TPD52: variants seen among roughly 807,000 people sequenced by gnomAD.
TPD52 encodes the protein tumor protein D52.
Under a neutral mutation model 31.3 loss-of-function variants are expected in TPD52, and 17 were observed. The observed-to-expected ratio is 0.54, with a 90% CI of 0.37 to 0.82. The LOEUF (loss-of-function observed/expected upper bound fraction) is 0.82, where lower values mean the gene tolerates loss of function less well. TPD52 is among the 40% of genes least tolerant of loss of function. The probability of loss-of-function intolerance (pLI) is 0.00; values close to 1 mark genes in which losing one functional copy is unlikely to be tolerated. For synonymous variants in TPD52, 83 were observed against 89.6 expected (o/e 0.93, Z 0.42); for missense variants, 212 against 240.1 (o/e 0.88, Z 0.77).
At chr8:80,166,460 G>A (rs955818643) in intron 1 of TPD52, among the ~76,000 whole-genome samples, 7 of 151,402 alleles carry the variant, frequency 4.6e-5, no homozygotes, top group African/African-American at 1.7e-4. Flanking sequence ...TCCAACTCCC[G>A]ACCTCAGGTG....
intron 2 of TPD52, among the ~76,000 whole-genome samples, chr8:80,055,342 A>G (rs1243452046): frequency 6.6e-6 from 1 of 152,244 alleles, no homozygotes; most frequent in Non-Finnish European, 1.5e-5. Flanking sequence ...CAATATATAC[A>G]TGTAAAACAG....
At chr8:80,141,015 CATGG>C (rs1281422769) in intron 1 of TPD52, among the ~76,000 whole-genome samples, 2 of 150,022 alleles carry the variant, frequency 1.3e-5, no homozygotes, top group African/African-American at 5.0e-5. Context: ...CATTATGAGG[CATGG>C]ATGAACCACA....
intron 1 of TPD52, among the ~76,000 whole-genome samples, chr8:80,157,144 T>C (rs994269311): frequency 1.3e-5 from 2 of 152,080 alleles, no homozygotes; most frequent in Non-Finnish European, 2.9e-5. Flanking sequence ...AAATTTAGTA[T>C]CTATAGTCAT....
At chr8:80,170,289 A>G (rs7011062) in intron 1 of TPD52, among the ~76,000 whole-genome samples, 77,474 of 151,916 alleles carry the variant, frequency 0.51, 22,003 homozygotes, top group African/African-American at 0.76. Context: ...GGTGGCGCAC[A>G]CCTGTAATCC....
chr8:80,037,887 A>G lies in TPD52; in HGVS notation c.*229T>C, dbSNP rs1028260586. 3 of 431,872 alleles carry G rather than the reference A, an allele frequency of 6.9e-6. No individual in the cohort carries two copies. Among genetic ancestry groups the G allele is most frequent in the Non-Finnish European group, 1.2e-5 (3 of 246,314 alleles). The allele number at this position is 431,872 out of a possible 1,614,324, so 26.8% of individuals were successfully genotyped here. A position where few individuals can be genotyped will look rare whatever the true frequency, so the allele number is the denominator to read the frequency against. ...CCCATTTACTATAAGTGTTTTTATA[A>G]TGGTGTTTCCTAAATAAAGGAACAT... On this transcript the variant is annotated 3_prime_UTR_variant, in exon 8 of 8. Transcript: ENST00000518937.
At chr8:80,157,277 A>AG (rs1350281712) in intron 1 of TPD52, among the ~76,000 whole-genome samples, 4 of 151,972 alleles carry the variant, frequency 2.6e-5, no homozygotes, top group African/African-American at 9.7e-5. Context: ...AGGCTAAAAA[A>AG]AAAAAAGGAA....
At position 80,063,626 on chromosome 8, in the gene TPD52, A is replaced by T. The variant is rs1158174448; in HGVS notation, c.135+852T>A. Among the ~76,000 whole-genome samples, 3 of 151,924 alleles carry T rather than the reference A, an allele frequency of 2.0e-5. No individual in the cohort carries two copies. In the East Asian group the frequency reaches 5.8e-4, roughly 29 times the overall value. On this transcript the variant is annotated intron_variant, in intron 2 of 7. Coordinates refer to ENST00000518937, the MANE Select transcript of TPD52 (RefSeq NM_001025253.3). ...CAGCCTGGCCAACATGGCGAAATCC[A>T]TCTCTACTAAAAATACAAAAATTAG...
chr8:80,079,848 G>C (rs1218200208), intron 1 of TPD52, among the ~76,000 whole-genome samples: 1 of 151,878 alleles, frequency 6.6e-6, no homozygotes, highest in Non-Finnish European at 1.5e-5. Context: ...CTCTTGCCTA[G>C]CAATTTCTGT....
intron 1 of TPD52, among the ~76,000 whole-genome samples, chr8:80,169,460 A>C (rs889146786): frequency 6.6e-6 from 1 of 152,352 alleles, no homozygotes; most frequent in East Asian, 1.9e-4. Context: ...TATGTCTTAG[A>C]ATTAGACACT....
At chr8:80,170,329 T>C (rs781194856) in intron 1 of TPD52, among the ~76,000 whole-genome samples, 1 of 151,978 alleles carries the variant, frequency 6.6e-6, no homozygotes, top group Non-Finnish European at 1.5e-5. Context: ...GGCAGGAGAA[T>C]CACTTGAACC....
At chr8:80,049,041 T>C (rs969735962) in intron 5 of TPD52, among the ~76,000 whole-genome samples, 1 of 152,200 alleles carries the variant, frequency 6.6e-6, no homozygotes, top group Non-Finnish European at 1.5e-5. Flanking sequence ...GGCTTTAAGG[T>C]ATAGAAAGGT....
intron 1 of TPD52, among the ~76,000 whole-genome samples, chr8:80,094,585 G>A (rs1187852541): frequency 1.3e-5 from 2 of 149,420 alleles, no homozygotes; most frequent in East Asian, 2.0e-4. Flanking sequence ...TATAGCTTCA[G>A]ATGTATTTCT....
chr8:80,096,076 C>T (rs968559203), intron 1 of TPD52, among the ~76,000 whole-genome samples: 2 of 152,126 alleles, frequency 1.3e-5, no homozygotes, highest in Non-Finnish European at 2.9e-5. Flanking sequence ...GGTAACATGA[C>T]AAAAACCCGT....
At chr8:80,159,346 C>T (rs1307104142) in intron 1 of TPD52, among the ~76,000 whole-genome samples, 3 of 152,222 alleles carry the variant, frequency 2.0e-5, no homozygotes, top group Non-Finnish European at 2.9e-5. Context: ...ATCAGACACA[C>T]TGGCCAGACT....
chr8:80,058,503 T>C (rs181350407), intron 2 of TPD52, among the ~76,000 whole-genome samples: 41 of 152,322 alleles, frequency 2.7e-4, no homozygotes, highest in Admixed American at 2.6e-3. Flanking sequence ...CCTCTACAAA[T>C]ATAAAAATAT....
At chr8:80,128,712 T>A (rs993118224) in intron 1 of TPD52, among the ~76,000 whole-genome samples, 1 of 151,612 alleles carries the variant, frequency 6.6e-6, no homozygotes, top group Admixed American at 6.6e-5. Flanking sequence ...ATTAAAAAAA[T>A]TAATAAACAG....
At chr8:80,094,489 T>G (rs1408389598) in intron 1 of TPD52, among the ~76,000 whole-genome samples, 1 of 118,168 alleles carries the variant, frequency 8.5e-6, no homozygotes, top group Non-Finnish European at 1.8e-5. Flanking sequence ...TATATATGTA[T>G]GTATATATAA....
At chr8:80,096,212 T>G (rs1330332188) in intron 1 of TPD52, among the ~76,000 whole-genome samples, 1 of 152,076 alleles carries the variant, frequency 6.6e-6, no homozygotes, top group Non-Finnish European at 1.5e-5. Flanking sequence ...GCCATGATTG[T>G]GCCAATGTAC....
chr8:80,056,400 C>T (rs79452657), intron 2 of TPD52, among the ~76,000 whole-genome samples: 3,436 of 152,138 alleles, frequency 0.023, 140 homozygotes, highest in African/African-American at 0.078. Flanking sequence ...GTGCTTCAAA[C>T]GACACTGTCA....
Sources: gnomAD v4.1 joint callset for allele counts (sites outside exome capture counted in the v4.1 genomes callset) on GRCh38, gnomAD v4.1.1 for gene constraint, MANE v1.5 for transcripts, NCBI Gene and HGNC (gene_info 2026-07-23, HGNC 2026-07-21) for gene names.